The following PEX7 variants were observed in gnomAD, a reference collection of about 807,000 sequenced individuals.
PEX7 encodes the protein PTS2 receptor.
In PEX7, 34 loss-of-function variants were observed where a neutral mutation model predicts 47.5. That is an observed-to-expected ratio of 0.72 (90% CI 0.54 to 0.95). The LOEUF is 0.95. Ranked by LOEUF, PEX7 falls within the 40% of genes least tolerant of loss-of-function variation. The pLI is 0.00. For missense variants in PEX7, 394 were observed against 400.3 expected, an observed-to-expected ratio of 0.98 and a Z score of 0.13; for synonymous variants, 141 against 148.8, an observed-to-expected ratio of 0.95 and a Z score of 0.38.
intron 3 of PEX7, among the ~76,000 whole-genome samples, chr6:136,832,797 C>T (rs914987416): frequency 6.6e-6 from 1 of 152,220 alleles, no homozygotes; most frequent in African/African-American, 2.4e-5. Flanking sequence ...TTTGCTAAAG[C>T]ATTGCATGAA....
At chr6:136,870,070 T>C in intron 7 of PEX7, 67 bp downstream of exon 7, 2 of 1,006,368 alleles carry the variant, frequency 2.0e-6, no homozygotes, top group East Asian at 5.4e-5. Flanking sequence ...GAAGTGTATA[T>C]TAAAAAGTGT....
intron 1 of PEX7, among the ~76,000 whole-genome samples, chr6:136,823,957 TA>T (rs2115126314): frequency 6.6e-6 from 1 of 152,368 alleles, no homozygotes. Flanking sequence ...GCTTTTGCCT[TA>T]ATTCATGTCC....
At chr6:136,911,708 T>C (rs933838069) in intron 9 of PEX7, among the ~76,000 whole-genome samples, 2 of 109,962 alleles carry the variant, frequency 1.8e-5, no homozygotes, top group Non-Finnish European at 2.1e-5. Context: ...TGCCCAGCCT[T>C]GTTTTCGATT....
chr6:136,830,015 G>T, intron 3 of PEX7: 1 of 714,442 alleles, frequency 1.4e-6, no homozygotes. Flanking sequence ...AGTATGTTCA[G>T]GGAAGCTGTG....
At chr6:136,860,552 G>A (rs1207846339) in intron 5 of PEX7, among the ~76,000 whole-genome samples, 2 of 151,120 alleles carry the variant, frequency 1.3e-5, no homozygotes, top group African/African-American at 4.9e-5. Flanking sequence ...AGCATTAGGA[G>A]ATATACCTAA....
chr6:136,834,038 C>T (rs1468268911), intron 3 of PEX7, among the ~76,000 whole-genome samples: 1 of 152,140 alleles, frequency 6.6e-6, no homozygotes, highest in Non-Finnish European at 1.5e-5. Flanking sequence ...ACAACCATTC[C>T]GTACAACATG....
At chr6:136,864,100 G>A (rs1363955388) in intron 5 of PEX7, among the ~76,000 whole-genome samples, 2 of 151,892 alleles carry the variant, frequency 1.3e-5, no homozygotes, top group Non-Finnish European at 2.9e-5. Context: ...TGCTGCATTT[G>A]TATAGTACTA....
chr6:136,872,408 C>T (rs1178231305), intron 8 of PEX7, among the ~76,000 whole-genome samples, 155 bp downstream of exon 8: 1 of 151,930 alleles, frequency 6.6e-6, no homozygotes, highest in African/African-American at 2.4e-5. Flanking sequence ...TTATATTTTT[C>T]CTGTTTTCGT....
At chr6:136,856,454 T>C (rs1454867792) in intron 5 of PEX7, among the ~76,000 whole-genome samples, 1 of 152,196 alleles carries the variant, frequency 6.6e-6, no homozygotes, top group Non-Finnish European at 1.5e-5. Context: ...AGAATCAGGG[T>C]ATCAGGCACC....
chr6:136,874,252 G>A (rs545396124), intron 8 of PEX7, among the ~76,000 whole-genome samples: 1 of 152,180 alleles, frequency 6.6e-6, no homozygotes, highest in Non-Finnish European at 1.5e-5. Context: ...GGTGCTTTTT[G>A]TGGAGTACTT....
intron 1 of PEX7, among the ~76,000 whole-genome samples, chr6:136,824,657 T>A (rs1774155343): frequency 6.6e-6 from 1 of 152,196 alleles, no homozygotes; most frequent in Middle Eastern, 3.2e-3. Context: ...TTTGGTAAAA[T>A]AATCTTTGAC....
intron 2 of PEX7, among the ~76,000 whole-genome samples, chr6:136,825,916 T>A (rs1032257134): frequency 6.6e-6 from 1 of 152,148 alleles, no homozygotes; most frequent in Non-Finnish European, 1.5e-5. Flanking sequence ...AGTTCAAGGC[T>A]GTAGTGAGCT....
At chr6:136,847,482 A>G (rs1774628310) in intron 5 of PEX7, among the ~76,000 whole-genome samples, 1 of 151,908 alleles carries the variant, frequency 6.6e-6, no homozygotes, top group Non-Finnish European at 1.5e-5. Flanking sequence ...TTTTAGGTCT[A>G]ACATGTAAGT....
intron 8 of PEX7, among the ~76,000 whole-genome samples, chr6:136,875,845 A>G (rs539658499): frequency 6.6e-6 from 1 of 152,262 alleles, no homozygotes; most frequent in East Asian, 1.9e-4. Flanking sequence ...TGTTTCTGGT[A>G]TGTAGATATT....
chr6:136,864,858 C>T (rs1775029860), intron 5 of PEX7, among the ~76,000 whole-genome samples: 2 of 152,100 alleles, frequency 1.3e-5, no homozygotes, highest in South Asian at 4.1e-4. Context: ...TATTACGTAT[C>T]CTATGCAGGG....
At chr6:136,888,452 T>TATCA (rs1227357860) in intron 8 of PEX7, among the ~76,000 whole-genome samples, 1 of 152,184 alleles carries the variant, frequency 6.6e-6, no homozygotes, top group African/African-American at 2.4e-5. Flanking sequence ...TTTGTAACCC[T>TATCA]ATCACCGTTT....
intron 5 of PEX7, among the ~76,000 whole-genome samples, chr6:136,860,617 T>C (rs1158579013): frequency 1.3e-5 from 2 of 150,838 alleles, no homozygotes; most frequent in South Asian, 2.1e-4. Flanking sequence ...TGTATACATA[T>C]GTAACAAACC....
intron 8 of PEX7, among the ~76,000 whole-genome samples, chr6:136,896,322 C>G (rs564576576): frequency 6.6e-6 from 1 of 152,234 alleles, no homozygotes; most frequent in South Asian, 2.1e-4. Flanking sequence ...AGCTAAATAC[C>G]CGGATTACAT....
At chr6:136,841,758 A>G (rs374499265) in intron 3 of PEX7, among the ~76,000 whole-genome samples, 5 of 151,710 alleles carry the variant, frequency 3.3e-5, no homozygotes, top group Admixed American at 2.6e-4. Context: ...TAATTTTTAA[A>G]ATTTTTTATA....
Sources: allele counts gnomAD v4.1 joint callset (sites outside exome capture counted in the v4.1 genomes callset), GRCh38; gene constraint gnomAD v4.1.1; transcripts MANE v1.5; gene names NCBI Gene and HGNC (gene_info 2026-07-23, HGNC 2026-07-21).